SPAG16: variants seen among roughly 807,000 people sequenced by gnomAD.
The protein encoded by SPAG16 is sperm associated antigen 16, also known as sperm-associated antigen 16 protein.
A neutral mutation model predicts 80.4 loss-of-function variants in SPAG16; 86 were observed. That is an observed-to-expected ratio of 1.07 (90% CI 0.90 to 1.28). The LOEUF (loss-of-function observed/expected upper bound fraction) is 1.28, where lower values mean the gene tolerates loss of function less well. Among genes scored for constraint, SPAG16 ranks in the 50% most tolerant of loss-of-function variants. SPAG16 has a pLI of 0.00. For synonymous variants in SPAG16, 294 were observed against 265.9 expected, an observed-to-expected ratio of 1.11 and a Z score of -1.03; for missense variants, 870 against 765.3, an observed-to-expected ratio of 1.14 and a Z score of -1.61.
chr2:213,742,949 G>T (rs2067640354), intron 10 of SPAG16, among the ~76,000 whole-genome samples: 1 of 151,844 alleles, frequency 6.6e-6, no homozygotes, highest in South Asian at 2.1e-4. Context: ...TGTCGCCCAG[G>T]CTGGAGTGCA....
intron 15 of SPAG16, among the ~76,000 whole-genome samples, chr2:214,151,607 G>A (rs1423276452): frequency 6.6e-6 from 1 of 152,002 alleles, no homozygotes; most frequent in Admixed American, 6.6e-5. Context: ...TTCAAAAAAA[G>A]CAAGAATATA....
At chr2:213,407,790 G>A (rs1395185633) in intron 9 of SPAG16, among the ~76,000 whole-genome samples, 5 of 131,268 alleles carry the variant, frequency 3.8e-5, no homozygotes, top group African/African-American at 1.1e-4. Flanking sequence ...CAGAGAGGAA[G>A]AGAGACAGGA....
intron 10 of SPAG16, among the ~76,000 whole-genome samples, chr2:213,790,492 T>C (rs2070626208): frequency 6.6e-6 from 1 of 151,928 alleles, no homozygotes; most frequent in Non-Finnish European, 1.5e-5. Flanking sequence ...TTTAATGGAT[T>C]ATTTTTCTTT....
rs193164754 is a variant in SPAG16 at position 213,762,597 on chromosome 2, A to G, written c.1071-99888A>G. Among the ~76,000 whole-genome samples the G allele has an allele frequency of 3.5e-3, 536 of 152,330 alleles. 2 individuals are homozygous for G. The highest frequency in any genetic ancestry group is 6.2e-3 in the Non-Finnish European group (420 of 68,020). ...AAAACTGGTTACCCTCATGTAAAAG[A>G]ATGAAATTGAACCCTTACCTTGCAC... On this transcript the variant is annotated intron_variant, in intron 10 of 15. Transcript: ENST00000331683.
chr2:213,720,283 T>A (rs2066455242), intron 10 of SPAG16, among the ~76,000 whole-genome samples: 1 of 151,972 alleles, frequency 6.6e-6, no homozygotes, highest in African/African-American at 2.4e-5. Context: ...CGTGTATACC[T>A]ATGTAATAAA....
chr2:214,348,412 T>C (rs1698197867), intron 15 of SPAG16, among the ~76,000 whole-genome samples: 1 of 152,218 alleles, frequency 6.6e-6, no homozygotes, highest in African/African-American at 2.4e-5. Flanking sequence ...AATAGCAAGA[T>C]CATTGTTTTC....
chr2:213,447,241 T>C (rs1432791046), intron 9 of SPAG16, among the ~76,000 whole-genome samples: 1 of 152,180 alleles, frequency 6.6e-6, no homozygotes, highest in Non-Finnish European at 1.5e-5. Flanking sequence ...CTACTTTGCA[T>C]AGGAGGTTCA....
chr2:213,347,791 G>A (rs1410515157), intron 6 of SPAG16, among the ~76,000 whole-genome samples: 1 of 152,224 alleles, frequency 6.6e-6, no homozygotes, highest in Non-Finnish European at 1.5e-5. Flanking sequence ...TTGATGAGGA[G>A]TGCTTTACTT....
At chr2:213,932,309 G>A (rs2078799682) in intron 12 of SPAG16, among the ~76,000 whole-genome samples, 1 of 151,224 alleles carries the variant, frequency 6.6e-6, no homozygotes, top group Non-Finnish European at 1.5e-5. Flanking sequence ...TCTGCTTTCT[G>A]GGTTCAAGCA....
intron 5 of SPAG16, among the ~76,000 whole-genome samples, chr2:213,336,304 T>C (rs544193637): frequency 6.6e-6 from 1 of 152,230 alleles, no homozygotes; most frequent in African/African-American, 2.4e-5. Flanking sequence ...CAAGACACAG[T>C]ATTTGCATAC....
chr2:214,270,113 A>G lies in SPAG16; in HGVS notation c.1720+120847A>G, dbSNP rs570347918. On this transcript the variant is annotated intron_variant, in intron 15 of 15. Transcript: ENST00000331683. ...CACACTCATCTTTGTATCCCTTAGAACACCAGGTACAAGATCATGCACTTA... is the reference window on the plus strand; with the variant it reads ...CACACTCATCTTTGTATCCCTTAGAGCACCAGGTACAAGATCATGCACTTA... Among the ~76,000 whole-genome samples the G allele has an allele frequency of 4.5e-4, 69 of 152,282 alleles. 1 individual carries two copies. Among genetic ancestry groups the G allele is most frequent in the East Asian group, 3.5e-3 (18 of 5,178 alleles).
chr2:213,610,647 A>G (rs2061413147), intron 10 of SPAG16, among the ~76,000 whole-genome samples: 1 of 152,188 alleles, frequency 6.6e-6, no homozygotes, highest in Non-Finnish European at 1.5e-5. Context: ...GTGCAAAGCA[A>G]AAGCATGTTT....
chr2:214,258,210 T>C (rs1332381357), intron 15 of SPAG16, among the ~76,000 whole-genome samples: 1 of 151,980 alleles, frequency 6.6e-6, no homozygotes, highest in Non-Finnish European at 1.5e-5. Flanking sequence ...ATGTACACTG[T>C]ACCCAATGTG....
chr2:213,745,325 C>T (rs759404804), intron 10 of SPAG16, among the ~76,000 whole-genome samples: 6 of 152,146 alleles, frequency 3.9e-5, no homozygotes, highest in Admixed American at 6.5e-5. Flanking sequence ...TCACTGCAAC[C>T]TCTGCCTCCC....
chr2:213,891,933 T>A (rs1253431004), intron 11 of SPAG16, among the ~76,000 whole-genome samples: 1 of 152,158 alleles, frequency 6.6e-6, no homozygotes, highest in East Asian at 1.9e-4. Flanking sequence ...GCAGGAGACA[T>A]GTTTCTGTTT....
intron 13 of SPAG16, among the ~76,000 whole-genome samples, chr2:214,079,481 C>T (rs2051254218): frequency 6.6e-6 from 1 of 152,138 alleles, no homozygotes; most frequent in Non-Finnish European, 1.5e-5. Context: ...TTATTTATAG[C>T]AATTCTTAAA....
intron 11 of SPAG16, among the ~76,000 whole-genome samples, chr2:213,928,162 T>G (rs2078576108): frequency 6.6e-6 from 1 of 152,030 alleles, no homozygotes; most frequent in Admixed American, 6.5e-5. Context: ...CTCGGCTCAC[T>G]GCAACCTCTG....
intron 15 of SPAG16, among the ~76,000 whole-genome samples, chr2:214,349,018 C>A (rs1466465842): frequency 6.6e-6 from 1 of 152,054 alleles, no homozygotes; most frequent in African/African-American, 2.4e-5. Flanking sequence ...ATTTGCTTAT[C>A]CTGAATAAAT....
intron 10 of SPAG16, among the ~76,000 whole-genome samples, chr2:213,541,235 A>G (rs1023166997): frequency 2.6e-5 from 4 of 152,212 alleles, no homozygotes; most frequent in African/African-American, 9.6e-5. Flanking sequence ...GAAAACCTGT[A>G]GTCTCTAGAG....
Sources: gnomAD v4.1 joint callset for allele counts (sites outside exome capture counted in the v4.1 genomes callset) on GRCh38, gnomAD v4.1.1 for gene constraint, MANE v1.5 for transcripts, NCBI Gene and HGNC (gene_info 2026-07-23, HGNC 2026-07-21) for gene names.